The following RBFOX1 variants were observed in gnomAD, a reference collection of about 807,000 sequenced individuals.
The protein encoded by RBFOX1 is RNA binding fox-1 homolog 1.
A neutral mutation model predicts 57.7 loss-of-function variants in RBFOX1; 8 were observed. The ratio of observed to expected loss-of-function variants is 0.14; its 90% CI spans 0.08 to 0.25. The LOEUF is 0.25. Among genes scored for constraint, RBFOX1 ranks in the 10% least tolerant of loss-of-function variants. The probability of loss-of-function intolerance (pLI) is 1.00; values close to 1 mark genes in which losing one functional copy is unlikely to be tolerated. For synonymous variants in RBFOX1, 326 were observed against 222.4 expected (o/e 1.47, Z -4.15); for missense variants, 611 against 548.5 (o/e 1.11, Z -1.14).
chr16:5,632,481 C>T (rs867912501), intron 3 of RBFOX1: 1 of 152,252 alleles, frequency 6.6e-6, no homozygotes, highest in East Asian at 1.9e-4. Flanking sequence ...ACATGAGAGC[C>T]ATCATTTTTG....
intron 4 of RBFOX1, among the ~76,000 whole-genome samples, chr16:5,940,947 A>G (rs555861244): frequency 6.6e-5 from 10 of 152,258 alleles, no homozygotes; most frequent in Admixed American, 3.3e-4. Flanking sequence ...TTGAATCTCA[A>G]TTCTGCCCCT....
chr16:6,218,835 T>C (rs1467429268), intron 1 of RBFOX1, among the ~76,000 whole-genome samples: 1 of 133,782 alleles, frequency 7.5e-6, no homozygotes, highest in Non-Finnish European at 1.6e-5. Flanking sequence ...AAGTCCCAAA[T>C]GGAGACAATT....
intron 4 of RBFOX1, among the ~76,000 whole-genome samples, chr16:5,990,850 T>C (rs536432217): frequency 6.6e-6 from 1 of 152,268 alleles, no homozygotes; most frequent in Admixed American, 6.5e-5. Flanking sequence ...GGTGCACGCC[T>C]GTAGTCCCAT....
At chr16:7,706,957 C>CCTCCCAGAAAG (rs1466427724) in intron 14 of RBFOX1, among the ~76,000 whole-genome samples, 1 of 152,098 alleles carries the variant, frequency 6.6e-6, no homozygotes. Context: ...ACCTGTTTTT[C>CCTCCCAGAAAG]CTCCCAGAAA....
chr16:7,349,265 C>T (rs1190643358), intron 4 of RBFOX1, among the ~76,000 whole-genome samples: 2 of 152,132 alleles, frequency 1.3e-5, no homozygotes, highest in Non-Finnish European at 2.9e-5. Flanking sequence ...GACTGGGAGA[C>T]CAACCAGACT....
At chr16:7,063,791 G>T (rs1237451004) in intron 4 of RBFOX1, among the ~76,000 whole-genome samples, 2 of 152,188 alleles carry the variant, frequency 1.3e-5, no homozygotes, top group African/African-American at 2.4e-5. Context: ...GATAATAACT[G>T]CTTACATAGC....
intron 4 of RBFOX1, among the ~76,000 whole-genome samples, chr16:5,898,756 T>C (rs2058229035): frequency 6.6e-6 from 1 of 151,884 alleles, no homozygotes; most frequent in Admixed American, 6.6e-5. Flanking sequence ...CTCTCATTAA[T>C]TCATATAAAA....
chr16:6,105,965 C>G (rs1348518102), intron 1 of RBFOX1, among the ~76,000 whole-genome samples: 2 of 152,042 alleles, frequency 1.3e-5, no homozygotes, highest in Non-Finnish European at 2.9e-5. Flanking sequence ...CACTTGCCAC[C>G]CCCCAGCTCT....
chr16:6,798,063 G>C (rs954461009), intron 3 of RBFOX1, among the ~76,000 whole-genome samples: 1 of 152,162 alleles, frequency 6.6e-6, no homozygotes, highest in African/African-American at 2.4e-5. Flanking sequence ...CAACACATAG[G>C]CATGTTAGAA....
chr16:6,982,769 G>A (rs1343195581), intron 3 of RBFOX1, among the ~76,000 whole-genome samples: 6 of 152,166 alleles, frequency 3.9e-5, no homozygotes, highest in African/African-American at 1.4e-4. Flanking sequence ...GAGGCAGGTG[G>A]ATCACCTGAG....
chr16:6,868,532 T>G (rs377008032), intron 3 of RBFOX1, among the ~76,000 whole-genome samples: 1 of 152,124 alleles, frequency 6.6e-6, no homozygotes, highest in African/African-American at 2.4e-5. Flanking sequence ...AGTGCGGTAG[T>G]ATGATAACGG....
At chr16:7,505,863 C>T (rs1168504693) in intron 4 of RBFOX1, among the ~76,000 whole-genome samples, 2 of 152,082 alleles carry the variant, frequency 1.3e-5, no homozygotes, top group Non-Finnish European at 1.5e-5. Context: ...ATTATGGCTT[C>T]AGCACAACTT....
chr16:6,277,206 A>G (rs965278002), intron 1 of RBFOX1, among the ~76,000 whole-genome samples: 3 of 152,238 alleles, frequency 2.0e-5, no homozygotes, highest in Admixed American at 6.5e-5. Flanking sequence ...CACACCTGTA[A>G]TCCCAGCACT....
chr16:6,992,444 T>C (rs1446486084), intron 3 of RBFOX1, among the ~76,000 whole-genome samples: 8 of 152,176 alleles, frequency 5.3e-5, no homozygotes, highest in African/African-American at 1.9e-4. Context: ...TCTTGAACTC[T>C]TGATCTCACG....
At chr16:7,538,393 C>G (rs1427446271) in intron 5 of RBFOX1, among the ~76,000 whole-genome samples, 1 of 152,102 alleles carries the variant, frequency 6.6e-6, no homozygotes, top group Non-Finnish European at 1.5e-5. Flanking sequence ...CCACAACTAC[C>G]TCAACTTACT....
intron 2 of RBFOX1, among the ~76,000 whole-genome samples, chr16:6,538,639 G>T (rs2096768087): frequency 6.6e-6 from 1 of 152,176 alleles, no homozygotes; most frequent in South Asian, 2.1e-4. Context: ...AATATTGCTG[G>T]TTGGATTGCA....
intron 3 of RBFOX1, among the ~76,000 whole-genome samples, chr16:6,820,726 A>AT (rs1283511982): frequency 1.3e-5 from 2 of 152,138 alleles, no homozygotes; most frequent in African/African-American, 4.8e-5. Context: ...TTCTTAGAAG[A>AT]TTTTTTAAGA....
chr16:5,308,610 TAATA>T (rs939072779), intron 1 of RBFOX1, among the ~76,000 whole-genome samples: 2 of 152,206 alleles, frequency 1.3e-5, no homozygotes, highest in African/African-American at 4.8e-5. Flanking sequence ...TTTAGTAAAA[TAATA>T]AATAGAGTTA....
chr16:6,121,936 C>T (rs1458269787), intron 1 of RBFOX1, among the ~76,000 whole-genome samples: 2 of 152,164 alleles, frequency 1.3e-5, no homozygotes, highest in African/African-American at 4.8e-5. Context: ...GAGTCTCATT[C>T]ACTGTCTCAC....
Sources: gnomAD v4.1 joint callset for allele counts (sites outside exome capture counted in the v4.1 genomes callset) on GRCh38, gnomAD v4.1.1 for gene constraint, MANE v1.5 for transcripts, NCBI Gene and HGNC (gene_info 2026-07-23, HGNC 2026-07-21) for gene names.